The following HS3ST4 variants were observed in gnomAD, a reference collection of about 807,000 sequenced individuals.
HS3ST4 encodes the protein heparan sulfate glucosamine 3-O-sulfotransferase 4.
A neutral mutation model predicts 29.2 loss-of-function variants in HS3ST4; 17 were observed. That is an observed-to-expected ratio of 0.58 (90% confidence interval 0.40 to 0.87). The LOEUF is 0.87. HS3ST4 is among the 40% of genes least tolerant of loss of function. HS3ST4 has a pLI of 0.00. For synonymous variants in HS3ST4, 314 were observed against 285.7 expected (o/e 1.10, Z -1.00); for missense variants, 627 against 634.5 (o/e 0.99, Z 0.13).
At chr16:25,771,972 T>C (rs1196480728) in intron 1 of HS3ST4, among the ~76,000 whole-genome samples, 1 of 152,200 alleles carries the variant, frequency 6.6e-6, no homozygotes, top group African/African-American at 2.4e-5. Flanking sequence ...TAGGATAACG[T>C]TTCTAGTCTG....
At chr16:25,796,244 G>A (rs866233083) in intron 1 of HS3ST4, among the ~76,000 whole-genome samples, 1 of 152,242 alleles carries the variant, frequency 6.6e-6, no homozygotes, top group African/African-American at 2.4e-5. Context: ...AATGTCCTGT[G>A]GAAAGTATCA....
At chr16:25,820,781 G>A (rs1967146287) in intron 1 of HS3ST4, among the ~76,000 whole-genome samples, 1 of 151,946 alleles carries the variant, frequency 6.6e-6, no homozygotes, top group South Asian at 2.1e-4. Context: ...ATGTGGACCA[G>A]GCTTATCTTG....
At chr16:25,996,349 A>G (rs1483873504) in intron 1 of HS3ST4, among the ~76,000 whole-genome samples, 2 of 152,200 alleles carry the variant, frequency 1.3e-5, no homozygotes, top group Admixed American at 6.6e-5. Flanking sequence ...GGTATTTTGC[A>G]TACTTTACAT....
chr16:25,895,014 C>G (rs972514022), intron 1 of HS3ST4, among the ~76,000 whole-genome samples: 34 of 152,178 alleles, frequency 2.2e-4, no homozygotes, highest in Admixed American at 2.0e-3. Context: ...GTGTGGGAGA[C>G]AGATGAGAAA....
chr16:26,018,497 G>A (rs559168564), intron 1 of HS3ST4, among the ~76,000 whole-genome samples: 2 of 152,278 alleles, frequency 1.3e-5, no homozygotes, highest in African/African-American at 4.8e-5. Context: ...GGGATATCGT[G>A]ATGAACCAAA....
intron 1 of HS3ST4, among the ~76,000 whole-genome samples, chr16:26,022,397 T>C (rs188176225): frequency 1.3e-5 from 2 of 152,192 alleles, no homozygotes; most frequent in Non-Finnish European, 2.9e-5. Flanking sequence ...AATTACATAG[T>C]GGACACTTAC....
chr16:25,726,631 GC>G (rs796205539), intron 1 of HS3ST4, among the ~76,000 whole-genome samples: 6 of 67,654 alleles, frequency 8.9e-5, no homozygotes, highest in African/African-American at 1.8e-4. Flanking sequence ...GTCTGGATAT[GC>G]CCTTGTTCTC....
At chr16:25,760,990 T>C (rs141357851) in intron 1 of HS3ST4, among the ~76,000 whole-genome samples, 4 of 152,086 alleles carry the variant, frequency 2.6e-5, no homozygotes, top group Non-Finnish European at 5.9e-5. Context: ...GTGTAGCAAA[T>C]AGCAAAAGGC....
At chr16:25,766,778 A>G (rs1966822051) in intron 1 of HS3ST4, among the ~76,000 whole-genome samples, 1 of 152,224 alleles carries the variant, frequency 6.6e-6, no homozygotes, top group Admixed American at 6.5e-5. Context: ...GCCTGTAATG[A>G]CAGTGTAATG....
rs1052218994 is a variant in HS3ST4 at position 25,692,199 on chromosome 16, G to C, written c.-219G>C. ...GGGGGCCACCCGGACTCGGCGGGCAGCGTGGGGCGGGGGGCCATGCGGCCG... is the reference window on the plus strand; with the variant it reads ...GGGGGCCACCCGGACTCGGCGGGCACCGTGGGGCGGGGGGCCATGCGGCCG... On this transcript the variant is annotated 5_prime_UTR_variant, in exon 1 of 2. Coordinates refer to ENST00000331351, the MANE Select transcript of HS3ST4 (RefSeq NM_006040.3). 1 of 149,496 alleles carries C rather than the reference G, an allele frequency of 6.7e-6. No homozygotes were observed. Among genetic ancestry groups the C allele is most frequent in the Non-Finnish European group, 1.5e-5 (1 of 66,908 alleles). The allele number at this position is 149,496 out of a possible 1,614,324, so 9.3% of individuals were successfully genotyped here.
chr16:25,887,774 T>A (rs538724406), intron 1 of HS3ST4, among the ~76,000 whole-genome samples: 1 of 145,402 alleles, frequency 6.9e-6, no homozygotes, highest in African/African-American at 2.6e-5. Flanking sequence ...CTCGGCTCAC[T>A]GCCAGCTCCA....
At chr16:25,986,385 T>C (rs62034496) in intron 1 of HS3ST4, among the ~76,000 whole-genome samples, 9,886 of 152,270 alleles carry the variant, frequency 0.065, 431 homozygotes, top group Non-Finnish European at 0.099. Context: ...TTATAGGTGA[T>C]AAGACTGAGA....
At chr16:26,021,587 G>A (rs1969414173) in intron 1 of HS3ST4, among the ~76,000 whole-genome samples, 1 of 152,224 alleles carries the variant, frequency 6.6e-6, no homozygotes, top group Middle Eastern at 3.4e-3. Context: ...AGCAGCGTAC[G>A]AGGCTCACAC....
chr16:25,735,488 A>G (rs1281326899), intron 1 of HS3ST4, among the ~76,000 whole-genome samples: 1 of 151,950 alleles, frequency 6.6e-6, no homozygotes, highest in Admixed American at 6.6e-5. Flanking sequence ...TCCTGGGCTT[A>G]AGCAACCCTC....
At chr16:26,019,908 C>T (rs1160290723) in intron 1 of HS3ST4, among the ~76,000 whole-genome samples, 1 of 152,156 alleles carries the variant, frequency 6.6e-6, no homozygotes, top group African/African-American at 2.4e-5. Flanking sequence ...TTGCTACTTG[C>T]CAGCTGCCTA....
At chr16:26,007,282 G>C (rs1969267363) in intron 1 of HS3ST4, among the ~76,000 whole-genome samples, 1 of 152,164 alleles carries the variant, frequency 6.6e-6, no homozygotes, top group African/African-American at 2.4e-5. Flanking sequence ...CATCTACCCT[G>C]CACAGGCTTC....
chr16:25,731,047 G>A (rs1275721876), intron 1 of HS3ST4, among the ~76,000 whole-genome samples: 8 of 152,150 alleles, frequency 5.3e-5, no homozygotes, highest in South Asian at 2.1e-4. Context: ...CCTAGGCAGC[G>A]CTTGATCCTC....
chr16:26,115,237 A>ATG (rs1426939492), intron 1 of HS3ST4, among the ~76,000 whole-genome samples: 84 of 150,484 alleles, frequency 5.6e-4, no homozygotes, highest in South Asian at 5.6e-3. Context: ...ATATGTGTGT[A>ATG]TGTGTGTGTA....
chr16:26,034,211 G>A (rs1969561263), intron 1 of HS3ST4, among the ~76,000 whole-genome samples: 1 of 152,176 alleles, frequency 6.6e-6, no homozygotes, highest in Non-Finnish European at 1.5e-5. Context: ...GCAGGCTAAT[G>A]GGCATCACAA....
Sources: gnomAD v4.1 joint callset for allele counts (sites outside exome capture counted in the v4.1 genomes callset) on GRCh38, gnomAD v4.1.1 for gene constraint, MANE v1.5 for transcripts, NCBI Gene and HGNC (gene_info 2026-07-23, HGNC 2026-07-21) for gene names.